The following COL20A1 variants were observed in gnomAD, a reference collection of about 807,000 sequenced individuals.
The protein encoded by COL20A1 is collagen alpha-1(XX) chain.
A neutral mutation model predicts 152.9 loss-of-function variants in COL20A1; 164 were observed. The observed-to-expected ratio is 1.07, with a 90% CI of 0.94 to 1.22. COL20A1 has a LOEUF of 1.22. Among genes scored for constraint, COL20A1 ranks in the 50% most tolerant of loss-of-function variants. The pLI, the probability that COL20A1 is intolerant of heterozygous loss-of-function variation, is 0.00. For missense variants in COL20A1, 1,873 were observed against 1,744.8 expected (o/e 1.07, Z -1.31); for synonymous variants, 864 against 756.0 (o/e 1.14, Z -2.34).
chr20:63,298,531 G>A (rs938256153), intron 3 of COL20A1, among the ~76,000 whole-genome samples: 3 of 150,988 alleles, frequency 2.0e-5, no homozygotes, highest in Non-Finnish European at 2.9e-5. Context: ...CAGGAGATCC[G>A]CCCCCCTCAG....
At chr20:63,316,465 C>T in intron 20 of COL20A1, 88 bp from the exon 21 acceptor site, 1 of 1,109,084 alleles carries the variant, frequency 9.0e-7, no homozygotes, top group South Asian at 1.6e-5. Context: ...CCCCTGGGTC[C>T]CTCTTGAGTC....
chr20:63,315,550 G>A, intron 20 of COL20A1, 111 bp downstream of exon 20: 1 of 1,025,428 alleles, frequency 9.8e-7, no homozygotes, highest in Non-Finnish European at 1.4e-6. Flanking sequence ...TGCAGTTGGA[G>A]GATGTTTGGG....
rs41309365 is a variant in COL20A1, at chr20:63,319,302, G to A, written c.2806+102G>A. 55,314 of 1,313,208 alleles carry A rather than the reference G, an allele frequency of 0.042. 1,475 individuals are homozygous for A. Among genetic ancestry groups the A allele is most frequent in the South Asian group, 0.071 (4,987 of 70,170 alleles). The allele number at this position is 1,313,208 out of a possible 1,614,324, so 81.3% of individuals were successfully genotyped here. On this transcript the variant is annotated intron_variant, in intron 22 of 35. Transcript: ENST00000358894. The surrounding 1 kb of genome is among the most constrained non-coding windows in gnomAD (Gnocchi z 4.4). ...CAGAGGAAGTCCAGCCTCCAGGCCAGGCCCTCAGCACCCTCTGGGTGGGAG... is the reference window on the plus strand; with the variant it reads ...CAGAGGAAGTCCAGCCTCCAGGCCAAGCCCTCAGCACCCTCTGGGTGGGAG...
At chr20:63,298,113 A>C (rs2067822231) in intron 3 of COL20A1, 93 bp downstream of exon 3, 1 of 781,912 alleles carries the variant, frequency 1.3e-6, no homozygotes, top group Admixed American at 2.3e-5. Context: ...GGCCCACAGC[A>C]TCCCTCCCAC....
intron 2 of COL20A1, among the ~76,000 whole-genome samples, chr20:63,295,635 G>A (rs372837888): frequency 4.6e-5 from 7 of 152,254 alleles, no homozygotes; most frequent in Admixed American, 1.3e-4. Flanking sequence ...ATCCCTGGGC[G>A]ACAGCACCAC....
rs1435541935 is a variant in COL20A1 at position 63,328,006 on chromosome 20, T to C, written c.3564+19T>C. On this transcript the variant is annotated intron_variant, in intron 32 of 35. Transcript: ENST00000358894. ...AGAGAAGGTAAGTGAGGCTGAGATC[T>C]TTGGCTCACTTGGGATCTCCTGGGA... is the stretch of plus-strand genomic sequence containing the variant. The C allele has an allele frequency of 6.2e-7, 1 of 1,611,378 alleles. No individual in the cohort carries two copies. The highest frequency in any genetic ancestry group is 1.7e-5 in the Admixed American group (1 of 59,696).
chr20:63,328,468 G>T lies in COL20A1; in HGVS notation c.3751G>T (p.Gly1251Trp). The stretch of plus-strand genomic sequence containing the variant: ...CAAGGCCCTGGTTCCTGGAGAATGG[G>T]GGCGTGGTGGCCGCCACCTTGAGGG... Reference protein sequence around the residue: ...RSKALVPGEWGRGGRHLEGRG... With the variant: ...RSKALVPGEWWRGGRHLEGRG... Residue 1251 changes from glycine (G) to tryptophan (W), a missense_variant, in exon 34 of 36, where the codon GGG becomes TGG. Transcript: ENST00000358894. 1 of 1,612,242 alleles carries T rather than the reference G, an allele frequency of 6.2e-7. No individual in the cohort carries two copies. Among genetic ancestry groups the T allele is most frequent in the Non-Finnish European group, 8.5e-7 (1 of 1,179,512 alleles).
In COL20A1 at chr20:63,334,208, A is replaced by C. The variant is rs756450322; in HGVS notation, c.*3492A>C. On this transcript the variant is annotated 3_prime_UTR_variant, in exon 36 of 36. Coordinates refer to ENST00000358894, the MANE Select transcript of COL20A1 (RefSeq NM_020882.4). Reference sequence around the variant, plus strand: ...CACTCACTGATGAAACTGGAAAAACAACCAATGATAACAAGCTAAAGAATG... The same window carrying C: ...CACTCACTGATGAAACTGGAAAAACCACCAATGATAACAAGCTAAAGAATG... 9 of 152,264 alleles carry C rather than the reference A, an allele frequency of 5.9e-5. No individual in the cohort carries two copies. The highest frequency in any genetic ancestry group is 2.1e-4 in the South Asian group (1 of 4,834). 9.4% of individuals were successfully genotyped at this position (152,264 alleles called of 1,614,324 possible). A position where few individuals can be genotyped will look rare whatever the true frequency, so the allele number is the denominator to read the frequency against.
At chr20:63,314,372 G>A (rs116540012) in intron 19 of COL20A1, among the ~76,000 whole-genome samples, 171 bp downstream of exon 19, 1 of 152,178 alleles carries the variant, frequency 6.6e-6, no homozygotes, top group Non-Finnish European at 1.5e-5. Context: ...GAGATGACTG[G>A]TTCCAGGCTG....
In COL20A1 at chr20:63,319,285, G is replaced by A; in HGVS notation, c.2806+85G>A. ...GAGCCCTGGGAGGCCTTCAGAGGAAGTCCAGCCTCCAGGCCAGGCCCTCAG... is the reference window on the plus strand; with the variant it reads ...GAGCCCTGGGAGGCCTTCAGAGGAAATCCAGCCTCCAGGCCAGGCCCTCAG... On this transcript the variant is annotated intron_variant, in intron 22 of 35. Transcript: ENST00000358894. The surrounding 1 kb of genome is among the most constrained non-coding windows in gnomAD (Gnocchi z 4.4). 5 of 1,435,522 alleles carry A rather than the reference G, an allele frequency of 3.5e-6. No individual in the cohort carries two copies. The highest frequency in any genetic ancestry group is 3.8e-6 in the Non-Finnish European group (4 of 1,058,114). The allele number at this position is 1,435,522 out of a possible 1,614,324, so 88.9% of individuals were successfully genotyped here.
intron 2 of COL20A1, among the ~76,000 whole-genome samples, chr20:63,297,313 C>A (rs28589973): frequency 9.0e-5 from 12 of 133,178 alleles, no homozygotes; most frequent in African/African-American, 2.9e-4. Context: ...AGCCCAGGGG[C>A]CCCAGCTCAG....
At position 63,311,929 on chromosome 20, in the gene COL20A1, C is replaced by G. The variant is rs538465838; in HGVS notation, c.1677C>G (p.Pro559=). 11 of 1,563,194 alleles carry G rather than the reference C, an allele frequency of 7.0e-6. No homozygotes were observed. Among genetic ancestry groups the G allele is most frequent in the South Asian group, 3.5e-5 (3 of 85,228 alleles). Residue 559 remains proline, a synonymous_variant, in exon 14 of 36, where the codon CCC becomes CCG. Transcript: ENST00000358894. This position sits in a 1 kb window ranked among gnomAD's most constrained non-coding sequence, Gnocchi z 4.4. ...TGTGCTTTGCAGCCACCCTGGCCCC[C>G]CCGAGACACCTGGGCTTCTCAGACG... ...GIRARTPTLA[P]PRHLGFSDVS...
chr20:63,322,744 G>C (rs2068183711), intron 27 of COL20A1, among the ~76,000 whole-genome samples: 1 of 152,192 alleles, frequency 6.6e-6, no homozygotes, highest in Non-Finnish European at 1.5e-5. Context: ...AGATGCCGAA[G>C]GCGTGGTCGG....
At position 63,320,115 on chromosome 20, in the gene COL20A1, A is replaced by T. The variant is rs1568783723; in HGVS notation, c.2993A>T (p.Glu998Val). 6.4e-7 allele frequency: 1 copy of T among 1,550,418 alleles called. No individual in the cohort carries two copies. The highest frequency in any genetic ancestry group is 8.7e-7 in the Non-Finnish European group (1 of 1,147,482). The change falls in exon 24 of 36, where the codon GAG (glutamate) becomes GTG (valine). Residue 998 changes from glutamate to valine, a missense_variant. Coordinates refer to ENST00000358894, the MANE Select transcript of COL20A1 (RefSeq NM_020882.4). ...AAGGTGGCTGAGCGGCCCCTTGGGG[A>T]GATGGGCAGCCCACCCGCTGCGGGC... is the stretch of plus-strand genomic sequence containing the variant. The part of the protein sequence containing the change: ...CRKVAERPLG[E>V]MGSPPAAGFV...
In COL20A1 at chr20:63,316,675, C is replaced by T. The variant is rs769667239; in HGVS notation, c.2647C>T (p.Leu883=). The T allele has an allele frequency of 1.2e-5, 19 of 1,568,796 alleles. No individual in the cohort carries two copies. Among genetic ancestry groups the T allele is most frequent in the African/African-American group, 2.7e-5 (2 of 73,946 alleles). The change falls in exon 21 of 36, where the codon CTG becomes TTG. Residue 883 remains leucine, a synonymous_variant. Transcript: ENST00000358894. ...CTTCACGCTCTTCAAGGACGCCCAG[C>T]TGACAAGACGGGTCAGGTGTGAGGG... ...PTFTLFKDAQ[L]TRRVSDVYPA...
At chr20:63,329,462 C>T in intron 34 of COL20A1, 123 bp from the exon 35 acceptor site, 1 of 719,856 alleles carries the variant, frequency 1.4e-6, no homozygotes, top group Non-Finnish European at 2.4e-6. Context: ...CTCAGACTCC[C>T]ATCTAAGGAC....
intron 15 of COL20A1, 93 bp downstream of exon 15, chr20:63,312,642 G>A: frequency 1.4e-6 from 2 of 1,479,672 alleles, no homozygotes; most frequent in South Asian, 1.3e-5. Context: ...TTGGGAGCCT[G>A]CCCTGGGTCA....
At chr20:63,299,816 T>C (rs1447019600) in intron 3 of COL20A1, among the ~76,000 whole-genome samples, 1 of 151,492 alleles carries the variant, frequency 6.6e-6, no homozygotes, top group East Asian at 1.9e-4. Context: ...ACATAATATA[T>C]ACATATATAC....
chr20:63,325,084 C>G (rs1402162180), intron 27 of COL20A1: 2 of 399,104 alleles, frequency 5.0e-6, no homozygotes, highest in Non-Finnish European at 9.6e-6. Context: ...TGGGTTCTCC[C>G]AGACCCTCCC....
Sources: gnomAD v4.1 joint callset for allele counts (sites outside exome capture counted in the v4.1 genomes callset) on GRCh38, gnomAD v4.1.1 for gene constraint, Gnocchi (gnomAD v3.1) non-coding constraint, MANE v1.5 for transcripts, NCBI Gene and HGNC (gene_info 2026-07-23, HGNC 2026-07-21) for gene names.